Variants in GATAD2A observed in about 807,000 individuals in gnomAD.
The protein encoded by GATAD2A is GATA zinc finger domain containing 2A, also known as transcriptional repressor p66-alpha.
In GATAD2A, 12 loss-of-function variants were observed where a neutral mutation model predicts 68.5. That is an observed-to-expected ratio of 0.18 (90% CI 0.11 to 0.28). The LOEUF (loss-of-function observed/expected upper bound fraction) is 0.28, where lower values mean the gene tolerates loss of function less well. Ranked by LOEUF, GATAD2A falls within the 10% of genes least tolerant of loss-of-function variation. The pLI is 1.00. For synonymous variants in GATAD2A, 410 were observed against 375.3 expected, an observed-to-expected ratio of 1.09 and a Z score of -1.07; for missense variants, 755 against 868.5, an observed-to-expected ratio of 0.87 and a Z score of 1.64.
chr19:19,461,825 C>T (rs2057456080), intron 1 of GATAD2A, among the ~76,000 whole-genome samples: 1 of 152,234 alleles, frequency 6.6e-6, no homozygotes, highest in South Asian at 2.1e-4. Flanking sequence ...TGACCTTCAA[C>T]CTTGTGTCTC....
intron 1 of GATAD2A, among the ~76,000 whole-genome samples, chr19:19,447,982 C>A (rs1405263395): frequency 2.6e-5 from 4 of 152,240 alleles, no homozygotes; most frequent in Admixed American, 2.6e-4. Context: ...CTGGCTCAGC[C>A]CTGAGAGACT....
intron 1 of GATAD2A, among the ~76,000 whole-genome samples, chr19:19,456,328 T>C (rs1218760156): frequency 6.6e-6 from 1 of 152,160 alleles, no homozygotes; most frequent in Non-Finnish European, 1.5e-5. Flanking sequence ...GGCCACACCC[T>C]ATCCCTTTCC....
At chr19:19,473,665 C>T (rs993309354) in intron 2 of GATAD2A, among the ~76,000 whole-genome samples, 7 of 151,486 alleles carry the variant, frequency 4.6e-5, no homozygotes, top group African/African-American at 1.7e-4. Flanking sequence ...AGGCCAGGCG[C>T]GGTGGCTCAC....
At chr19:19,453,318 A>G (rs2056581741) in intron 1 of GATAD2A, among the ~76,000 whole-genome samples, 1 of 152,126 alleles carries the variant, frequency 6.6e-6, no homozygotes, top group Non-Finnish European at 1.5e-5. Context: ...ATTTCCTTCT[A>G]CCAGGGACCT....
rs188844289 is a variant in GATAD2A at position 19,395,398 on chromosome 19, T to G, written c.-7+9260T>G. ...TGAACCCAGGAGGCGGGGTTTGCAA[T>G]GAGCTGAGATCATGCCACTGCACTC... On this transcript the variant is annotated intron_variant, in intron 1 of 11. Transcript: ENST00000360315. 8.6e-5 allele frequency among the ~76,000 whole-genome samples: 13 copies of G among 151,770 alleles called. No individual in the cohort carries two copies. The East Asian group carries it at 2.3e-3, about 27-fold the overall frequency.
At chr19:19,398,809 C>A (rs1009910440) in intron 1 of GATAD2A, among the ~76,000 whole-genome samples, 4 of 149,994 alleles carry the variant, frequency 2.7e-5, no homozygotes, top group Non-Finnish European at 4.5e-5. Context: ...GCCTGTAATC[C>A]CAGCACTTTG....
At chr19:19,455,820 C>T (rs1024057020) in intron 1 of GATAD2A, among the ~76,000 whole-genome samples, 4 of 151,904 alleles carry the variant, frequency 2.6e-5, no homozygotes, top group African/African-American at 9.7e-5. Flanking sequence ...CTAAATGGCC[C>T]GCAGAGCCAA....
chr19:19,505,312 C>T (rs1267152013), intron 11 of GATAD2A, 32 bp from the exon 12 acceptor site: 2 of 1,609,002 alleles, frequency 1.2e-6, no homozygotes, highest in Non-Finnish European at 1.7e-6. Flanking sequence ...CTGACGAGGG[C>T]CTTCTCAGCT....
rs1242266513 is a variant in GATAD2A at position 19,502,382 on chromosome 19, C to T, written c.1630C>T (p.His544Tyr). 2 of 1,613,572 alleles carry T rather than the reference C, an allele frequency of 1.2e-6. No individual in the cohort carries two copies. The highest frequency in any genetic ancestry group is 1.3e-5 in the African/African-American group (1 of 74,950). The change falls in exon 11 of 12, where the codon CAC (histidine) becomes TAC (tyrosine). Residue 544 changes from histidine (H) to tyrosine (Y), a missense_variant. By Grantham distance (83) the His-to-Tyr change is moderately conservative (BLOSUM62 2). Coordinates refer to ENST00000683918, the MANE Select transcript of GATAD2A (RefSeq NM_001384528.1). ...GGCCACGACGCCCCGAGGTGTCCTG[C>T]ACACGTTCAGTCCGTCACCCAAACT... ...GSATTPRGVLHTFSPSPKLQN... is the reference protein window; with the variant it reads ...GSATTPRGVLYTFSPSPKLQN...
upstream of GATAD2A, among the ~76,000 whole-genome samples, chr19:19,401,324 C>T (rs1177882505): frequency 6.6e-6 from 1 of 150,692 alleles, no homozygotes; most frequent in Non-Finnish European, 1.5e-5. Context: ...CGCCAATCTC[C>T]TGCCTCAGCC....
At position 19,492,607 on chromosome 19, in the gene GATAD2A, G is replaced by A. The variant is rs1338042983; in HGVS notation, c.429G>A (p.Arg143=). 15 of 1,614,200 alleles carry A rather than the reference G, an allele frequency of 9.3e-6. No individual in the cohort carries two copies. The highest frequency in any genetic ancestry group is 1.2e-5 in the Non-Finnish European group (14 of 1,180,038). Residue 143 remains arginine, a synonymous_variant, in exon 4 of 12, where the codon AGG becomes AGA. Transcript: ENST00000683918. ...AAAGCAGTCCTGAAGAACGAGAAAG[G>A]ATGATCAAGCAGCTGAAGGAAGAAT... is the stretch of plus-strand genomic sequence containing the variant. The part of the protein sequence containing the change: ...LMKSSPEERE[R]MIKQLKEELR...
intron 1 of GATAD2A, among the ~76,000 whole-genome samples, chr19:19,444,991 C>G (rs1418484821): frequency 6.6e-6 from 1 of 151,810 alleles, no homozygotes; most frequent in Non-Finnish European, 1.5e-5. Context: ...TCTTGTGATT[C>G]CAGCCCTCTG....
chr19:19,480,623 G>A (rs1211043996), intron 2 of GATAD2A, among the ~76,000 whole-genome samples: 1 of 152,172 alleles, frequency 6.6e-6, no homozygotes, highest in African/African-American at 2.4e-5. Context: ...ACGTTTAATC[G>A]CATTTCATGA....
chr19:19,493,656 C>T lies in GATAD2A; in HGVS notation c.535-638C>T, dbSNP rs146491481. On this transcript the variant is annotated intron_variant, in intron 4 of 11. Transcript: ENST00000683918. ...CAGAAAGTAAGTGTGTTCTGGGCAG[C>T]AGGAGCTGAAGGAAGGACAGGACTC... is the stretch of plus-strand genomic sequence containing the variant. Among the ~76,000 whole-genome samples the T allele has an allele frequency of 5.2e-3, 786 of 152,248 alleles. 4 individuals carry two copies. The highest frequency in any genetic ancestry group is 0.041 in the South Asian group (196 of 4,822).
chr19:19,406,395 G>T (rs950546878), intron 1 of GATAD2A, among the ~76,000 whole-genome samples: 1 of 151,300 alleles, frequency 6.6e-6, no homozygotes, highest in Non-Finnish European at 1.5e-5. Context: ...CGCGCGGGGC[G>T]GGGGTCCCGC....
rs912175142 is a variant in GATAD2A at position 19,483,774 on chromosome 19, C to T, written c.270-8532C>T. 5.4e-5 allele frequency among the ~76,000 whole-genome samples: 8 copies of T among 147,556 alleles called. 1 individual carries two copies. The East Asian group carries it at 1.6e-3, about 29-fold the overall frequency. ...GGACTACAGGTGCCCGCCACCATAC[C>T]CGGCTAATTTTTTTTTTTTTTTTTT... On this transcript the variant is annotated intron_variant, in intron 2 of 11. Transcript: ENST00000683918.
intron 2 of GATAD2A, among the ~76,000 whole-genome samples, chr19:19,482,743 GA>G (rs2059144402): frequency 6.6e-6 from 1 of 152,172 alleles, no homozygotes; most frequent in African/African-American, 2.4e-5. Flanking sequence ...TTTGAAACCT[GA>G]AAAGTTAGCC....
At position 19,465,351 on chromosome 19, in the gene GATAD2A, C is replaced by T. The variant is rs543352784; in HGVS notation, c.6C>T (p.Thr2=). Residue 2 remains threonine (T), a synonymous_variant, in exon 2 of 12, where the codon ACC becomes ACT. Coordinates refer to ENST00000683918, the MANE Select transcript of GATAD2A (RefSeq NM_001384528.1). M[T]EEACRTRSQK... is the part of the protein sequence containing the mutation. ...TCCTCCCTCCCAAGTTCAGAATGAC[C>T]GAAGAAGCATGCCGAACACGGAGTC... 3.5e-5 allele frequency: 56 copies of T among 1,613,618 alleles called. No individual in the cohort carries two copies. Among genetic ancestry groups the T allele is most frequent in the East Asian group, 8.9e-5 (4 of 44,878 alleles).
intron 1 of GATAD2A, among the ~76,000 whole-genome samples, chr19:19,456,525 G>T (rs1317725495): frequency 2.0e-5 from 3 of 152,334 alleles, no homozygotes; most frequent in Admixed American, 6.5e-5. Flanking sequence ...TTACGTCATA[G>T]ATGAAGTTTT....
Sources: gnomAD v4.1 joint callset for allele counts (sites outside exome capture counted in the v4.1 genomes callset) on GRCh38, gnomAD v4.1.1 for gene constraint, MANE v1.5 for transcripts, NCBI Gene and HGNC (gene_info 2026-07-23, HGNC 2026-07-21) for gene names.